The following PCDHGB2 variants were observed in gnomAD, a reference collection of about 807,000 sequenced individuals.
PCDHGB2 encodes the protein protocadherin gamma subfamily B, 2, also known as protocadherin gamma-B2.
A neutral mutation model predicts 59.3 loss-of-function variants in PCDHGB2; 55 were observed. That is an observed-to-expected ratio of 0.93 (90% CI 0.75 to 1.16). The LOEUF is 1.16. Among genes scored for constraint, PCDHGB2 ranks in the 50% most tolerant of loss-of-function variants. PCDHGB2 has a pLI of 0.00. For missense variants in PCDHGB2, 1,228 were observed against 1,198.5 expected, an observed-to-expected ratio of 1.02 and a Z score of -0.36; for synonymous variants, 516 against 512.0, an observed-to-expected ratio of 1.01 and a Z score of -0.11.
At chr5:141,365,734 T>G (rs145748099) in intron 1 of PCDHGB2, 1 of 1,613,550 alleles carries the variant, frequency 6.2e-7, no homozygotes, top group South Asian at 1.1e-5. Flanking sequence ...ATCCCAGAGG[T>G]GTCTCTATCT....
At chr5:141,453,989 A>T (rs902043628) in intron 1 of PCDHGB2, among the ~76,000 whole-genome samples, 6 of 152,256 alleles carry the variant, frequency 3.9e-5, no homozygotes, top group African/African-American at 1.4e-4. Context: ...CCTTCCAGTG[A>T]TAAACCCACA....
At chr5:141,437,826 CT>C (rs1263000808) in intron 1 of PCDHGB2, among the ~76,000 whole-genome samples, 5 of 151,936 alleles carry the variant, frequency 3.3e-5, no homozygotes, top group African/African-American at 1.2e-4. Flanking sequence ...CAACCTCTGC[CT>C]CCTGGGTTCA....
intron 1 of PCDHGB2, chr5:141,393,560 G>A (rs1448273528): frequency 1.5e-5 from 24 of 1,613,796 alleles, no homozygotes; most frequent in Non-Finnish European, 2.0e-5. Context: ...TTTACCGAGT[G>A]AAAGTCCTTG....
intron 1 of PCDHGB2, chr5:141,388,375 G>A (rs2091339163): frequency 7.4e-6 from 12 of 1,613,962 alleles, no homozygotes; most frequent in Non-Finnish European, 1.0e-5. Flanking sequence ...GATATTGGTA[G>A]CAACACACTG....
intron 1 of PCDHGB2, chr5:141,393,595 T>C: frequency 6.2e-7 from 1 of 1,613,866 alleles, no homozygotes; most frequent in Non-Finnish European, 8.5e-7. Context: ...GGCACGCGGC[T>C]GCTTACTGTA....
At chr5:141,374,245 G>A (rs1460959579) in intron 1 of PCDHGB2, 2 of 1,613,980 alleles carry the variant, frequency 1.2e-6, no homozygotes, top group Non-Finnish European at 1.7e-6. Context: ...ATCTGGGACT[G>A]GAGCCCCAGG....
chr5:141,422,961 G>A, intron 1 of PCDHGB2: 1 of 1,614,234 alleles, frequency 6.2e-7, no homozygotes, highest in Non-Finnish European at 8.5e-7. Flanking sequence ...GCGTGGAGCT[G>A]GCGCCCCGCT....
At chr5:141,391,149 G>C (rs1487749660) in intron 1 of PCDHGB2, 1 of 152,032 alleles carries the variant, frequency 6.6e-6, no homozygotes, top group Non-Finnish European at 1.5e-5. Context: ...CTCTAGGAAA[G>C]AAATATAGTC....
At chr5:141,382,988 G>A (rs958046112) in intron 1 of PCDHGB2, 1 of 1,613,208 alleles carries the variant, frequency 6.2e-7, no homozygotes, top group East Asian at 2.2e-5. Context: ...TGGGCAGGAC[G>A]TATTCTCTAC....
At chr5:141,384,392 G>A in intron 1 of PCDHGB2, 1 of 1,613,930 alleles carries the variant, frequency 6.2e-7, no homozygotes, top group Non-Finnish European at 8.5e-7. Context: ...ACCATCCAGG[G>A]GGCTCCAGTG....
At chr5:141,406,836 TC>T (rs2094857566) in intron 1 of PCDHGB2, among the ~76,000 whole-genome samples, 1 of 152,232 alleles carries the variant, frequency 6.6e-6, no homozygotes, top group Non-Finnish European at 1.5e-5. Context: ...AACTTGCATA[TC>T]AGATATAATT....
rs1221646532 is a variant in PCDHGB2, at chr5:141,366,822, TTCAGA to T, written c.2421+4267_2421+4271del. ...TTTCCTTTTTCATGTTTCTGTCATA[TTCAGA>T]ATCAGCTAGTTATGTAAATAGTGGA... On this transcript the variant is annotated intron_variant, in intron 1 of 3. Transcript: ENST00000522605. The T allele has an allele frequency of 2.6e-6, 4 of 1,538,856 alleles. No homozygotes were observed. The Admixed American group carries it at 8.0e-5, about 31-fold the overall frequency.
intron 1 of PCDHGB2, chr5:141,403,322 A>G (rs1156229289): frequency 6.2e-7 from 1 of 1,613,982 alleles, no homozygotes; most frequent in Non-Finnish European, 8.5e-7. Flanking sequence ...AATAGAAGTA[A>G]CTGATATTAA....
chr5:141,407,497 G>GTTTTTTTTTTTTTTTTTTTTTTTTT (rs1554102286), intron 1 of PCDHGB2, among the ~76,000 whole-genome samples: 1 of 151,974 alleles, frequency 6.6e-6, no homozygotes, highest in African/African-American at 2.4e-5. Context: ...CTTTATTTCT[G>GTTTTTTTTTTTTTTTTTTTTTTTTT]TTTTTCTTAG....
At chr5:141,464,862 C>T (rs1166573359) in intron 1 of PCDHGB2, among the ~76,000 whole-genome samples, 1 of 152,076 alleles carries the variant, frequency 6.6e-6, no homozygotes, top group African/African-American at 2.4e-5. Context: ...CCTTAGCCTC[C>T]CAAGTAGCTA....
intron 1 of PCDHGB2, among the ~76,000 whole-genome samples, chr5:141,373,021 T>C (rs2150016771): frequency 6.6e-6 from 1 of 152,328 alleles, no homozygotes; most frequent in Non-Finnish European, 1.5e-5. Flanking sequence ...CTTTTGATAG[T>C]CTTGAAACTT....
At position 141,371,721 on chromosome 5, in the gene PCDHGB2, C is replaced by T. The variant is rs199558038; in HGVS notation, c.2421+9165C>T. 1,426 of 1,614,084 alleles carry T rather than the reference C, an allele frequency of 8.8e-4. 23 individuals are homozygous for T. In the South Asian group the frequency reaches 0.014, roughly 16 times the overall value. On this transcript the variant is annotated intron_variant, in intron 1 of 3. Coordinates refer to ENST00000522605, the MANE Select transcript of PCDHGB2 (RefSeq NM_018923.3). ...CAGCAAGACCATCACTCTGCACATCCTTGATGTCAACGACAACGTTCCCGT... is the reference window on the plus strand; with the variant it reads ...CAGCAAGACCATCACTCTGCACATCTTTGATGTCAACGACAACGTTCCCGT...
At chr5:141,365,711 G>A (rs750945400) in intron 1 of PCDHGB2, 34 of 1,613,386 alleles carry the variant, frequency 2.1e-5, no homozygotes, top group Non-Finnish European at 3.4e-6. Context: ...CTCCACCTCT[G>A]TCACAGAAAA....
chr5:141,505,287 TG>T, intron 2 of PCDHGB2, 105 bp from the exon 3 acceptor site: 1 of 1,550,864 alleles, frequency 6.4e-7, no homozygotes, highest in Middle Eastern at 2.1e-4. Context: ...GTCTTGGGCA[TG>T]GGGTAGGGTT....
Sources: gnomAD v4.1 joint callset for allele counts (sites outside exome capture counted in the v4.1 genomes callset) on GRCh38, gnomAD v4.1.1 for gene constraint, MANE v1.5 for transcripts, NCBI Gene and HGNC (gene_info 2026-07-23, HGNC 2026-07-21) for gene names.